HERC3: variants seen among roughly 807,000 people sequenced by gnomAD.
HERC3 encodes HECT and RLD domain containing E3 ubiquitin protein ligase 3.
HERC3 carries 58 observed loss-of-function variants against 129.9 expected under a neutral mutation model. That is an observed-to-expected ratio of 0.45 (90% confidence interval 0.36 to 0.56). HERC3 has a LOEUF of 0.56. Ranked by LOEUF, HERC3 falls within the 20% of genes least tolerant of loss-of-function variation. The probability of loss-of-function intolerance (pLI) is 0.00; values close to 1 mark genes in which losing one functional copy is unlikely to be tolerated. For missense variants in HERC3, 835 were observed against 1,244.2 expected (o/e 0.67, Z 4.95); for synonymous variants, 430 against 451.0 (o/e 0.95, Z 0.59).
At position 88,687,315 on chromosome 4, in the gene HERC3, G is replaced by T; in HGVS notation, c.2657+16G>T. ...AGGATAACAGGTTAGTCCTGACCTT[G>T]GACTGTTGCAGATACTGCTACTTCA... On this transcript the variant is annotated intron_variant, in intron 23 of 25. Transcript: ENST00000402738. 1 of 1,554,746 alleles carries T rather than the reference G, an allele frequency of 6.4e-7. No individual in the cohort carries two copies. Among genetic ancestry groups the T allele is most frequent in the Non-Finnish European group, 8.8e-7 (1 of 1,136,080 alleles).
intron 9 of HERC3, 125 bp downstream of exon 9, chr4:88,656,160 A>C: frequency 1.2e-6 from 1 of 847,162 alleles, no homozygotes; most frequent in East Asian, 2.7e-5. Context: ...ATTTTTTAAC[A>C]TCAATTAATA....
At chr4:88,551,321 G>T in the HERC3 span, among the ~76,000 whole-genome samples, 2 of 149,202 alleles carry the variant, frequency 1.3e-5, no homozygotes, top group African/African-American at 4.9e-5. Flanking sequence ...CACAGCAAAA[G>T]AAACTACCAT....
intron 3 of HERC3, among the ~76,000 whole-genome samples, chr4:88,614,586 GACT>G (rs753354112): frequency 3.9e-5 from 6 of 152,082 alleles, no homozygotes; most frequent in Non-Finnish European, 7.4e-5. Flanking sequence ...AAACCCATTA[GACT>G]ACTGTTTGTC....
chr4:88,660,258 A>G (rs896084826), intron 10 of HERC3, among the ~76,000 whole-genome samples: 2 of 151,822 alleles, frequency 1.3e-5, no homozygotes, highest in South Asian at 2.1e-4. Flanking sequence ...CTGGGGTACA[A>G]TGGCGTGATC....
At chr4:88,604,893 CTTG>C (rs1303029110) in intron 2 of HERC3, among the ~76,000 whole-genome samples, 1 of 152,146 alleles carries the variant, frequency 6.6e-6, no homozygotes, top group Non-Finnish European at 1.5e-5. Context: ...ATCACCAACA[CTTG>C]TTGTTACCTG....
chr4:88,689,529 C>T (rs1171573760), intron 23 of HERC3, among the ~76,000 whole-genome samples: 3 of 116,224 alleles, frequency 2.6e-5, no homozygotes, highest in Non-Finnish European at 5.0e-5. Flanking sequence ...CCCCCGCCCC[C>T]GCCAAAAAAA....
chr4:88,572,838 A>G, the HERC3 span, among the ~76,000 whole-genome samples: 2 of 152,062 alleles, frequency 1.3e-5, no homozygotes, highest in Admixed American at 6.5e-5. Context: ...TAATAATTAC[A>G]GTCTTTTCTT....
chr4:88,605,491 A>G (rs1723527063), intron 2 of HERC3, among the ~76,000 whole-genome samples: 1 of 152,234 alleles, frequency 6.6e-6, no homozygotes, highest in Non-Finnish European at 1.5e-5. Context: ...AGATTGTTTC[A>G]GCCCATCTCC....
intron 23 of HERC3, among the ~76,000 whole-genome samples, chr4:88,689,175 A>T (rs1327771042): frequency 2.0e-5 from 3 of 152,106 alleles, no homozygotes; most frequent in Non-Finnish European, 4.4e-5. Context: ...TATCCAAGTG[A>T]TCTATCTTGA....
At chr4:88,685,559 G>T (rs1007453161) in intron 21 of HERC3, among the ~76,000 whole-genome samples, 1 of 152,148 alleles carries the variant, frequency 6.6e-6, no homozygotes, top group African/African-American at 2.4e-5. Flanking sequence ...AGAACATGTG[G>T]ACACAGGGAG....
intron 3 of HERC3, among the ~76,000 whole-genome samples, chr4:88,608,913 A>C (rs1040565390): frequency 6.6e-6 from 1 of 152,204 alleles, no homozygotes; most frequent in Non-Finnish European, 1.5e-5. Flanking sequence ...AGATCTTTCT[A>C]GTCCTCCCAT....
intron 22 of HERC3, 75 bp downstream of exon 22, chr4:88,686,877 T>TTTTAGATTACCCCGGGGAG: frequency 9.2e-7 from 1 of 1,086,614 alleles, no homozygotes; most frequent in Non-Finnish European, 1.4e-6. Flanking sequence ...TAACATTAGT[T>TTTTAGATTACCCCGGGGAG]CTTCTTCAAA....
At chr4:88,697,937 C>CACCAGATTCCT (rs1734838764) in intron 23 of HERC3, 1 of 764,458 alleles carries the variant, frequency 1.3e-6, no homozygotes, top group East Asian at 2.7e-5. Flanking sequence ...CAGCTGACGG[C>CACCAGATTCCT]CGTGTGCTCA....
At chr4:88,550,376 T>C in the HERC3 span, among the ~76,000 whole-genome samples, 1 of 152,192 alleles carries the variant, frequency 6.6e-6, no homozygotes, top group African/African-American at 2.4e-5. Context: ...ACTGTATATC[T>C]AGAAAACCCC....
At chr4:88,693,581 G>T (rs1436718784) in intron 23 of HERC3, 3 of 941,976 alleles carry the variant, frequency 3.2e-6, no homozygotes, top group Non-Finnish European at 3.8e-6. Flanking sequence ...CATTATGAAT[G>T]TACAAAACGC....
At chr4:88,686,923 T>C in intron 22 of HERC3, 121 bp downstream of exon 22, 1 of 787,292 alleles carries the variant, frequency 1.3e-6, no homozygotes, top group Non-Finnish European at 2.1e-6. Context: ...TTGAATCAAA[T>C]TATTTTAGTC....
At chr4:88,542,801 G>A in the HERC3 span, among the ~76,000 whole-genome samples, 39 of 152,234 alleles carry the variant, frequency 2.6e-4, no homozygotes, top group Admixed American at 1.6e-3. Context: ...ATCAATAAAC[G>A]TAATCCAGCA....
At chr4:88,525,012 CCATCCTGTTTTTTTTAAAAAAAA>C in the HERC3 span, 1 of 143,638 alleles carries the variant, frequency 7.0e-6, no homozygotes. Context: ...GTTTTTTGGG[CCATCCTGTTTTTTTTAAAAAAAA>C]CAGTTTATTT....
chr4:88,694,706 A>G (rs930458735), intron 23 of HERC3, among the ~76,000 whole-genome samples: 21 of 152,174 alleles, frequency 1.4e-4, no homozygotes, highest in Admixed American at 7.9e-4. Flanking sequence ...TTTGGGAAGA[A>G]CTGACGTTTT....
Sources: allele counts gnomAD v4.1 joint callset (sites outside exome capture counted in the v4.1 genomes callset), GRCh38; gene constraint gnomAD v4.1.1; transcripts MANE v1.5; gene names NCBI Gene and HGNC (gene_info 2026-07-23, HGNC 2026-07-21).